Variants in TNR observed in about 807,000 individuals in gnomAD.
TNR encodes tenascin R.
Under a neutral mutation model 150.4 loss-of-function variants are expected in TNR, and 45 were observed. The ratio of observed to expected loss-of-function variants is 0.30; its 90% CI spans 0.24 to 0.38. The LOEUF (loss-of-function observed/expected upper bound fraction) is 0.38. Among genes scored for constraint, TNR ranks in the 10% least tolerant of loss-of-function variants. The pLI is 1.00. For synonymous variants in TNR, 687 were observed against 678.4 expected, an observed-to-expected ratio of 1.01 and a Z score of -0.20; for missense variants, 1,544 against 1,759.1, an observed-to-expected ratio of 0.88 and a Z score of 2.19.
intron 1 of TNR, among the ~76,000 whole-genome samples, chr1:175,715,552 C>A (rs1045282386): frequency 6.6e-6 from 1 of 152,150 alleles, no homozygotes; most frequent in Non-Finnish European, 1.5e-5. Flanking sequence ...CTGATTCCTG[C>A]CCTCCTCAGC....
At chr1:175,662,077 A>C (rs894408046) in intron 1 of TNR, among the ~76,000 whole-genome samples, 2 of 152,104 alleles carry the variant, frequency 1.3e-5, no homozygotes, top group African/African-American at 4.8e-5. Context: ...AGAGAGCAGG[A>C]TTGGAGCATG....
At chr1:175,546,464 C>T (rs543710147) in intron 1 of TNR, among the ~76,000 whole-genome samples, 1 of 152,192 alleles carries the variant, frequency 6.6e-6, no homozygotes, top group East Asian at 1.9e-4. Flanking sequence ...TCCACTGTTT[C>T]TTTGTGAGGA....
At chr1:175,695,287 C>G (rs1171679599) in intron 1 of TNR, among the ~76,000 whole-genome samples, 1 of 152,234 alleles carries the variant, frequency 6.6e-6, no homozygotes, top group African/African-American at 2.4e-5. Context: ...CTCCTGCCCA[C>G]AGCCGTGTAA....
chr1:175,526,056 T>C (rs1379005533), intron 2 of TNR, among the ~76,000 whole-genome samples: 2 of 152,138 alleles, frequency 1.3e-5, no homozygotes, highest in African/African-American at 2.4e-5. Context: ...TTTATTTTTA[T>C]AAAATCTGAC....
chr1:175,441,969 T>G (rs1655811637), intron 2 of TNR, among the ~76,000 whole-genome samples: 1 of 152,152 alleles, frequency 6.6e-6, no homozygotes, highest in South Asian at 2.1e-4. Context: ...TATTTTGCAT[T>G]TGGAAGTCTT....
intron 1 of TNR, among the ~76,000 whole-genome samples, chr1:175,700,218 A>G (rs1666648708): frequency 6.6e-6 from 1 of 152,072 alleles, no homozygotes; most frequent in South Asian, 2.1e-4. Flanking sequence ...TGTCCCAGGA[A>G]CAGCCCTCTC....
At chr1:175,687,154 T>A (rs1434378867) in intron 1 of TNR, among the ~76,000 whole-genome samples, 1 of 152,152 alleles carries the variant, frequency 6.6e-6, no homozygotes, top group Non-Finnish European at 1.5e-5. Context: ...TGGGCTCAGC[T>A]CTGCCTGCTC....
intron 4 of TNR, among the ~76,000 whole-genome samples, chr1:175,399,816 A>G (rs1297288335): frequency 3.3e-5 from 5 of 152,226 alleles, no homozygotes; most frequent in Non-Finnish European, 7.3e-5. Flanking sequence ...CAAAGATGCC[A>G]TGCTGTTTCC....
At chr1:175,542,652 T>C (rs1660550291) in intron 1 of TNR, among the ~76,000 whole-genome samples, 2 of 152,196 alleles carry the variant, frequency 1.3e-5, no homozygotes, top group African/African-American at 4.8e-5. Context: ...TGACAAGCAA[T>C]TTTTTCATAA....
At chr1:175,591,760 G>T (rs1403575729) in intron 1 of TNR, among the ~76,000 whole-genome samples, 1 of 152,202 alleles carries the variant, frequency 6.6e-6, no homozygotes, top group African/African-American at 2.4e-5. Flanking sequence ...TCTCTAACTG[G>T]GTTCATGGTA....
At chr1:175,586,337 T>C (rs2101833923) in intron 1 of TNR, among the ~76,000 whole-genome samples, 1 of 152,260 alleles carries the variant, frequency 6.6e-6, no homozygotes, top group African/African-American at 2.4e-5. Context: ...TCTACCCCCT[T>C]CTCTTTTCTG....
chr1:175,412,957 C>G (rs1654276538), intron 2 of TNR, among the ~76,000 whole-genome samples: 1 of 152,206 alleles, frequency 6.6e-6, no homozygotes, highest in South Asian at 2.1e-4. Flanking sequence ...GCTTTATTCT[C>G]TACTGCCACC....
intron 1 of TNR, among the ~76,000 whole-genome samples, chr1:175,629,508 G>A (rs1053194997): frequency 6.6e-6 from 1 of 152,130 alleles, no homozygotes; most frequent in African/African-American, 2.4e-5. Flanking sequence ...ATAGAGATGT[G>A]GGGGAGGGGT....
intron 7 of TNR, among the ~76,000 whole-genome samples, chr1:175,387,370 C>G (rs1652985181): frequency 6.6e-6 from 1 of 152,214 alleles, no homozygotes; most frequent in South Asian, 2.1e-4. Flanking sequence ...AAAACCAGAA[C>G]TCTGGTTCTC....
chr1:175,451,204 G>GT lies in TNR; in HGVS notation c.-63-44428dup, dbSNP rs11289379. ...AAAGCCTGCTCAAAGCACCTGGTTAGTTTTTTTTTTTTAATGTTTTTATTT... is the reference window on the plus strand; with the variant it reads ...AAAGCCTGCTCAAAGCACCTGGTTAGTTTTTTTTTTTTTAATGTTTTTATTT... On this transcript the variant is annotated intron_variant, in intron 2 of 22. Transcript: ENST00000367674. 1.1e-3 allele frequency among the ~76,000 whole-genome samples: 139 copies of GT among 128,500 alleles called. 1 individual carries two copies. Among genetic ancestry groups the GT allele is most frequent in the Middle Eastern group, 4.5e-3 (1 of 220 alleles). 84.3% of individuals were successfully genotyped at this position (128,500 alleles called of 152,430 possible). A position where few individuals can be genotyped will look rare whatever the true frequency, so the allele number is the denominator to read the frequency against.
chr1:175,726,956 G>C (rs80195868), intron 1 of TNR, among the ~76,000 whole-genome samples: 1 of 152,086 alleles, frequency 6.6e-6, no homozygotes, highest in African/African-American at 2.4e-5. Flanking sequence ...TGGCATGTAA[G>C]GAGTGACAGC....
At chr1:175,410,138 G>A (rs1322909679) in intron 2 of TNR, among the ~76,000 whole-genome samples, 2 of 152,080 alleles carry the variant, frequency 1.3e-5, no homozygotes, top group African/African-American at 4.8e-5. Flanking sequence ...GATAGTGAGG[G>A]AACAGTGAGT....
intron 1 of TNR, among the ~76,000 whole-genome samples, chr1:175,628,707 G>A (rs1422316123): frequency 6.6e-6 from 1 of 152,076 alleles, no homozygotes. Context: ...AGCAGAGAAA[G>A]AATGAAGAAG....
intron 1 of TNR, among the ~76,000 whole-genome samples, chr1:175,611,937 G>A (rs1372053304): frequency 6.6e-6 from 1 of 152,256 alleles, no homozygotes; most frequent in East Asian, 1.9e-4. Context: ...ACAAAGAACC[G>A]ACAAGTAACA....
Sources: gnomAD v4.1 joint callset for allele counts (sites outside exome capture counted in the v4.1 genomes callset) on GRCh38, gnomAD v4.1.1 for gene constraint, MANE v1.5 for transcripts, NCBI Gene and HGNC (gene_info 2026-07-23, HGNC 2026-07-21) for gene names.